Variants in SNRPN observed in about 807,000 individuals in gnomAD.
SNRPN encodes small nuclear ribonucleoprotein polypeptide N.
A neutral mutation model predicts 25.2 loss-of-function variants in SNRPN; 7 were observed. The observed-to-expected ratio is 0.28, with a 90% CI of 0.16 to 0.52. SNRPN has a LOEUF of 0.52. SNRPN is among the 20% of genes least tolerant of loss of function. The pLI is 0.96. For synonymous variants in SNRPN, 124 were observed against 110.6 expected, an observed-to-expected ratio of 1.12 and a Z score of -0.76; for missense variants, 196 against 322.5, an observed-to-expected ratio of 0.61 and a Z score of 3.00.
At chr15:24,978,138 C>T in intron 8 of SNRPN, 55 bp from the exon 9 acceptor site, 1 of 1,573,418 alleles carries the variant, frequency 6.4e-7, no homozygotes, top group Admixed American at 1.8e-5. Context: ...GGGCTAAATT[C>T]TAACTTTTCT....
At chr15:24,937,358 A>C (rs549381120) in intron 3 of SNRPN, among the ~76,000 whole-genome samples, 44 of 149,002 alleles carry the variant, frequency 3.0e-4, no homozygotes, top group African/African-American at 1.1e-3. Context: ...AAAACAAAAC[A>C]AAAAAAACGA....
At chr15:24,919,469 C>T (rs1378328573) in intron 2 of SNRPN, among the ~76,000 whole-genome samples, 1 of 151,158 alleles carries the variant, frequency 6.6e-6, no homozygotes, top group Non-Finnish European at 1.5e-5. Context: ...CTTGTTAAAG[C>T]AAGGTAAGGG....
chr15:24,916,250 G>A (rs998206011), intron 2 of SNRPN, among the ~76,000 whole-genome samples: 31 of 152,068 alleles, frequency 2.0e-4, no homozygotes, highest in Non-Finnish European at 3.1e-4. Context: ...GTGAGCCACC[G>A]CGCCCAGCCT....
At chr15:24,945,343 TAAAAAAAA>T (rs11422448) in intron 3 of SNRPN, among the ~76,000 whole-genome samples, 2 of 83,734 alleles carry the variant, frequency 2.4e-5, no homozygotes, top group East Asian at 3.8e-4. Context: ...ACCCACCATG[TAAAAAAAA>T]AAAAAAAAAA....
intron 2 of SNRPN, among the ~76,000 whole-genome samples, 192 bp from the exon 3 acceptor site, chr15:24,967,740 A>G (rs1239439902): frequency 1.4e-5 from 2 of 146,400 alleles, no homozygotes; most frequent in African/African-American, 5.1e-5. Context: ...CCCCGAAGGC[A>G]GTGTTTGTGG....
chr15:24,956,885 A>C (rs1221217811), intron 1 of SNRPN, among the ~76,000 whole-genome samples: 1 of 152,178 alleles, frequency 6.6e-6, no homozygotes, highest in Non-Finnish European at 1.5e-5. Context: ...GCAGTAAACT[A>C]GAGTGGTGGC....
intron 2 of SNRPN, among the ~76,000 whole-genome samples, chr15:24,896,548 C>G (rs2058090941): frequency 6.6e-6 from 1 of 151,908 alleles, no homozygotes; most frequent in African/African-American, 2.4e-5. Context: ...CTCATCTCTA[C>G]TAAAAATACA....
In SNRPN at chr15:24,974,342, C is replaced by A; in HGVS notation, c.-112C>A. 1.1e-6 allele frequency: 1 copy of A among 951,726 alleles called. No homozygotes were observed. The highest frequency in any genetic ancestry group is 1.7e-6 in the Non-Finnish European group (1 of 578,048). The allele number at this position is 951,726 out of a possible 1,614,324, so 59.0% of individuals were successfully genotyped here. On this transcript the variant is annotated 5_prime_UTR_variant, in exon 4 of 10. Transcript: ENST00000390687. ...TCTACTCTTTGAAGCTTCTGCCCAG[C>A]TTGCATTGTTTCTAGGAGAACCTGC... is the stretch of plus-strand genomic sequence containing the variant.
Position 24,835,114 on chromosome 15 carries a change from T to TAAAATATATAGATATATATA in SNRPN, c.-579+5209_-579+5210insAAAATATATAGATATATATA, listed in dbSNP as rs55850654. ...AATATATAGATATATATACTATATA[T>TAAAATATATAGATATATATA]CTATATATAAAATATATAGATATAT... On this transcript the variant is annotated intron_variant, in intron 2 of 12. Transcript: ENST00000400100. Among the ~76,000 whole-genome samples, 21 of 66,102 alleles carry TAAAATATATAGATATATATA rather than the reference T, an allele frequency of 3.2e-4. 7 individuals carry two copies. The highest frequency in any genetic ancestry group is 1.6e-3 in the East Asian group (2 of 1,226). The allele number at this position is 66,102 out of a possible 152,430, so 43.4% of individuals were successfully genotyped here.
intron 2 of SNRPN, among the ~76,000 whole-genome samples, chr15:24,890,567 T>C (rs573916790): frequency 6.6e-6 from 1 of 152,132 alleles, no homozygotes; most frequent in South Asian, 2.1e-4. Context: ...TAGTCCCAGC[T>C]ACTCAGGAGG....
At chr15:24,975,790 A>G (rs1273179612) in intron 5 of SNRPN, among the ~76,000 whole-genome samples, 1 of 152,186 alleles carries the variant, frequency 6.6e-6, no homozygotes, top group African/African-American at 2.4e-5. Context: ...AAAATGCTAT[A>G]TTAATTAATT....
chr15:24,888,961 A>G (rs2057417087), intron 2 of SNRPN, among the ~76,000 whole-genome samples: 1 of 152,070 alleles, frequency 6.6e-6, no homozygotes. Context: ...TCTGTCACCC[A>G]GGCTGGAGTG....
chr15:24,908,841 T>C (rs1322707124), intron 2 of SNRPN: 4 of 575,470 alleles, frequency 7.0e-6, no homozygotes, highest in Non-Finnish European at 8.9e-6. Context: ...CTTGGAAAGC[T>C]TTTTAATCTT....
chr15:24,969,275 C>T (rs916957929), intron 3 of SNRPN, among the ~76,000 whole-genome samples: 5 of 152,074 alleles, frequency 3.3e-5, no homozygotes, highest in African/African-American at 1.2e-4. Context: ...ATTATAGGCA[C>T]CCACCACCAC....
chr15:24,966,358 G>A (rs1194579994), intron 2 of SNRPN, among the ~76,000 whole-genome samples: 1 of 152,106 alleles, frequency 6.6e-6, no homozygotes, highest in Non-Finnish European at 1.5e-5. Flanking sequence ...AATCTTCCCT[G>A]TCCTCAGGAT....
At chr15:24,870,839 C>T (rs1215733074) in intron 1 of SNRPN, among the ~76,000 whole-genome samples, 1 of 147,444 alleles carries the variant, frequency 6.8e-6, no homozygotes, top group East Asian at 2.0e-4. Flanking sequence ...CTATGGGATC[C>T]CTCAACCTAC....
chr15:24,936,592 T>C (rs925107679), intron 3 of SNRPN, among the ~76,000 whole-genome samples: 2 of 152,132 alleles, frequency 1.3e-5, no homozygotes, highest in African/African-American at 2.4e-5. Context: ...AAAGGAATCA[T>C]GGCTGGGGAG....
chr15:24,940,762 G>A (rs2061501866), intron 3 of SNRPN, among the ~76,000 whole-genome samples: 1 of 152,046 alleles, frequency 6.6e-6, no homozygotes, highest in Non-Finnish European at 1.5e-5. Context: ...GTGTGTGTGT[G>A]TGTGTTTGTG....
chr15:24,874,355 C>G (rs922924329), intron 1 of SNRPN, among the ~76,000 whole-genome samples: 4 of 131,350 alleles, frequency 3.0e-5, no homozygotes, highest in African/African-American at 1.2e-4. Flanking sequence ...AGACCAAAAA[C>G]GAGCCATATG....
Sources: allele counts gnomAD v4.1 joint callset (sites outside exome capture counted in the v4.1 genomes callset), GRCh38; gene constraint gnomAD v4.1.1; transcripts MANE v1.5; gene names NCBI Gene and HGNC (gene_info 2026-07-23, HGNC 2026-07-21).